The following BRIP1 variants were observed in gnomAD, a reference collection of about 807,000 sequenced individuals.
BRIP1 encodes Fanconi anemia group J protein.
BRIP1 carries 88 observed loss-of-function variants against 119.7 expected under a neutral mutation model. That is an observed-to-expected ratio of 0.74 (90% CI 0.62 to 0.88). The LOEUF is 0.88. BRIP1 is among the 40% of genes least tolerant of loss of function. BRIP1 has a pLI of 0.00. For synonymous variants in BRIP1, 443 were observed against 496.5 expected (o/e 0.89, Z 1.43); for missense variants, 1,259 against 1,455.4 (o/e 0.87, Z 2.20).
Position 61,706,015 on chromosome 17 carries a change from T to C in BRIP1, c.2492+9936A>G, listed in dbSNP as rs372998219. On this transcript the variant is annotated intron_variant, in intron 17 of 19. Transcript: ENST00000259008. This position sits in a 1 kb window ranked among gnomAD's most constrained non-coding sequence, Gnocchi z 5.7. ...TGTTATTGAGAGGAATTTTGAAGTT[T>C]CCAAGTATAATTGTGTATTTTTCTA... is the stretch of plus-strand genomic sequence containing the variant. Among the ~76,000 whole-genome samples the C allele has an allele frequency of 9.8e-5, 15 of 152,294 alleles. No homozygotes were observed. The highest frequency in any genetic ancestry group is 3.4e-4 in the African/African-American group (14 of 41,572).
At chr17:61,790,258 T>A (rs527454671) in intron 10 of BRIP1, among the ~76,000 whole-genome samples, 3 of 152,296 alleles carry the variant, frequency 2.0e-5, no homozygotes, top group Admixed American at 6.5e-5. Flanking sequence ...TTAAGATTCA[T>A]CTAGAGCCAG....
intron 17 of BRIP1, among the ~76,000 whole-genome samples, chr17:61,714,245 T>C (rs1384686150): frequency 6.6e-6 from 1 of 152,204 alleles, no homozygotes; most frequent in East Asian, 1.9e-4. Context: ...TTATAAAGCC[T>C]ACAGTTAGTG....
intron 6 of BRIP1, among the ~76,000 whole-genome samples, chr17:61,813,157 G>C (rs2078188519): frequency 6.6e-6 from 1 of 151,770 alleles, no homozygotes; most frequent in South Asian, 2.1e-4. Context: ...AAAGCAGGCA[G>C]GAGTACGAAA....
Position 61,708,950 on chromosome 17 carries a change from A to T in BRIP1, c.2492+7001T>A, listed in dbSNP as rs1306939032. ...CACATTCAGTATGTAAAATCCCCGT[A>T]TATAATATTAACCTCCATCTTTAAT... On this transcript the variant is annotated intron_variant, in intron 17 of 19. Transcript: ENST00000259008. The surrounding 1 kb of genome is among the most constrained non-coding windows in gnomAD (Gnocchi z 4.4). Among the ~76,000 whole-genome samples the T allele has an allele frequency of 6.6e-6, 1 of 152,218 alleles. No individual in the cohort carries two copies. The highest frequency in any genetic ancestry group is 1.5e-5 in the Non-Finnish European group (1 of 68,036).
In BRIP1 at chr17:61,793,605, T is replaced by C. The variant is rs1555605855; in HGVS notation, c.1465A>G (p.Ile489Val). ...KMGITTATFP[I>V]LQGHFSAVLQ... ...TAGAAAAAATATCTTACCTGCAAAA[T>C]GGGAAAAGTAGCAGTGGTGATACCC... The change falls in exon 10 of 20, where the codon ATT (isoleucine) becomes GTT (valine). Residue 489 changes from isoleucine (I) to valine (V), a missense_variant. Ile to Val is a conservative substitution (Grantham distance 29, BLOSUM62 3). Transcript: ENST00000259008. This position sits in a 1 kb window ranked among gnomAD's most constrained non-coding sequence, Gnocchi z 5.2. 4 of 1,605,882 alleles carry C rather than the reference T, an allele frequency of 2.5e-6. No individual in the cohort carries two copies. Among genetic ancestry groups the C allele is most frequent in the Non-Finnish European group, 3.4e-6 (4 of 1,175,706 alleles).
At chr17:61,838,048 T>C (rs2078600593) in intron 6 of BRIP1, among the ~76,000 whole-genome samples, 1 of 152,144 alleles carries the variant, frequency 6.6e-6, no homozygotes, top group Admixed American at 6.5e-5. Flanking sequence ...ATCAAACTAA[T>C]TTACCATTTA....
Position 61,684,178 on chromosome 17 carries a change from T to C in BRIP1, c.2906-38A>G, listed in dbSNP as rs763733112. 8 of 1,602,690 alleles carry C rather than the reference T, an allele frequency of 5.0e-6. No individual in the cohort carries two copies. Among genetic ancestry groups the C allele is most frequent in the Non-Finnish European group, 6.8e-6 (8 of 1,171,782 alleles). On this transcript the variant is annotated intron_variant, in intron 19 of 19. Transcript: ENST00000259008. The surrounding 1 kb of genome is among the most constrained non-coding windows in gnomAD (Gnocchi z 4.5). ...GAATTTAAGAGATTTAACTTTCTGC[T>C]CCTAGCTAACATAATTGCTAGGTTA...
Position 61,691,125 on chromosome 17 carries a change from T to C in BRIP1, c.2575+2305A>G, listed in dbSNP as rs950977881. On this transcript the variant is annotated intron_variant, in intron 18 of 19. Coordinates refer to ENST00000259008, the MANE Select transcript of BRIP1 (RefSeq NM_032043.3). This position sits in a 1 kb window ranked among gnomAD's most constrained non-coding sequence, Gnocchi z 5.0. ...GGGGGAGGGATAGCATTAGGAGATA[T>C]ACCTAATGTAAACGACAAGTTAATG... Among the ~76,000 whole-genome samples the C allele has an allele frequency of 2.0e-5, 3 of 151,976 alleles. No individual in the cohort carries two copies. Among genetic ancestry groups the C allele is most frequent in the African/African-American group, 7.2e-5 (3 of 41,448 alleles).
At chr17:61,837,169 G>T (rs989876143) in intron 6 of BRIP1, among the ~76,000 whole-genome samples, 1 of 152,188 alleles carries the variant, frequency 6.6e-6, no homozygotes, top group Admixed American at 6.5e-5. Flanking sequence ...TTTGCCAGGT[G>T]AATTAATATT....
At position 61,861,615 on chromosome 17, in the gene BRIP1, A is replaced by C; in HGVS notation, c.-30-46T>G. 9.3e-7 allele frequency: 1 copy of C among 1,072,302 alleles called. No homozygotes were observed. The highest frequency in any genetic ancestry group is 1.3e-5 in the South Asian group (1 of 78,258). The allele number at this position is 1,072,302 out of a possible 1,614,324, so 66.4% of individuals were successfully genotyped here. A position where few individuals can be genotyped will look rare whatever the true frequency, so the allele number is the denominator to read the frequency against. ...TCAAATATTGAGACACGCCTTACAA[A>C]GAAAACCAGAGAACCAAAACTAAGG... is the stretch of plus-strand genomic sequence containing the variant. On this transcript the variant is annotated intron_variant, in intron 1 of 19. Coordinates refer to ENST00000259008, the MANE Select transcript of BRIP1 (RefSeq NM_032043.3). The surrounding 1 kb of genome is among the most constrained non-coding windows in gnomAD (Gnocchi z 4.5).
rs1403033008 is a variant in BRIP1, at chr17:61,754,113, T to C, written c.2098-9522A>G. Among the ~76,000 whole-genome samples, 3 of 152,204 alleles carry C rather than the reference T, an allele frequency of 2.0e-5. No homozygotes were observed. Among genetic ancestry groups the C allele is most frequent in the Admixed American group, 2.0e-4 (3 of 15,270 alleles). On this transcript the variant is annotated intron_variant, in intron 14 of 19. Coordinates refer to ENST00000259008, the MANE Select transcript of BRIP1 (RefSeq NM_032043.3). The surrounding 1 kb of genome is among the most constrained non-coding windows in gnomAD (Gnocchi z 4.1). ...TATGCTCTCTACAGTCCATTTTCCA[T>C]ACAGCAGCCAACATAATCCTTTTAA...
At position 61,793,622 on chromosome 17, in the gene BRIP1, G is replaced by C. The variant is rs1555605874; in HGVS notation, c.1448C>G (p.Thr483Ser). 1 of 1,607,562 alleles carries C rather than the reference G, an allele frequency of 6.2e-7. No individual in the cohort carries two copies. The highest frequency in any genetic ancestry group is 8.5e-7 in the Non-Finnish European group (1 of 1,176,550). ...CTGCAAAATGGGAAAAGTAGCAGTG[G>C]TGATACCCATTTTGTGTAAAGTTAA... ...MLLTLHKMGITTATFPILQGH... is the reference protein window; with the variant it reads ...MLLTLHKMGISTATFPILQGH... The change falls in exon 10 of 20, where the codon ACC becomes AGC. Residue 483 changes from threonine (T) to serine (S), a missense_variant. By Grantham distance (58) the Thr-to-Ser change is moderately conservative. Around this residue, in one of 3 missense-constraint regions of BRIP1, gnomAD observed 753 missense variants for 891.8 expected, o/e 0.84. Transcript: ENST00000259008. This position sits in a 1 kb window ranked among gnomAD's most constrained non-coding sequence, Gnocchi z 5.2.
chr17:61,795,170 A>G lies in BRIP1; in HGVS notation c.1341-1441T>C, dbSNP rs2077880710. On this transcript the variant is annotated intron_variant, in intron 9 of 19. Coordinates refer to ENST00000259008, the MANE Select transcript of BRIP1 (RefSeq NM_032043.3). The surrounding 1 kb of genome is among the most constrained non-coding windows in gnomAD (Gnocchi z 5.6). ...GGTACATGTTTTGATACAGGCATGCAATATGTAATAATCACATCATGGAAG... is the reference window on the plus strand; with the variant it reads ...GGTACATGTTTTGATACAGGCATGCGATATGTAATAATCACATCATGGAAG... Among the ~76,000 whole-genome samples, 1 of 152,080 alleles carries G rather than the reference A, an allele frequency of 6.6e-6. No homozygotes were observed. The highest frequency in any genetic ancestry group is 6.6e-5 in the Admixed American group (1 of 15,238).
Position 61,795,329 on chromosome 17 carries a change from C to G in BRIP1, c.1341-1600G>C, listed in dbSNP as rs182903156. Reference sequence around the variant, plus strand: ...CACTGTTGTGCTATCAAATACTAGGCCTTATTCATTCATTCTATTTTTCTT... The same window carrying G: ...CACTGTTGTGCTATCAAATACTAGGGCTTATTCATTCATTCTATTTTTCTT... On this transcript the variant is annotated intron_variant, in intron 9 of 19. Transcript: ENST00000259008. This position sits in a 1 kb window ranked among gnomAD's most constrained non-coding sequence, Gnocchi z 5.6. Among the ~76,000 whole-genome samples the G allele has an allele frequency of 6.6e-6, 1 of 151,854 alleles. No individual in the cohort carries two copies. The highest frequency in any genetic ancestry group is 1.5e-5 in the Non-Finnish European group (1 of 67,920).
chr17:61,852,247 T>G lies in BRIP1; in HGVS notation c.380-2991A>C, dbSNP rs896484784. Among the ~76,000 whole-genome samples, 1 of 152,214 alleles carries G rather than the reference T, an allele frequency of 6.6e-6. No homozygotes were observed. The highest frequency in any genetic ancestry group is 1.5e-5 in the Non-Finnish European group (1 of 68,040). On this transcript the variant is annotated intron_variant, in intron 4 of 19. Transcript: ENST00000259008. This position sits in a 1 kb window ranked among gnomAD's most constrained non-coding sequence, Gnocchi z 4.9. Reference sequence around the variant, plus strand: ...ACAAAAAGGCTTATCTTCCTGGTCTTGATAGCAAGGGAGTTTGAAGGAAGT... The same window carrying G: ...ACAAAAAGGCTTATCTTCCTGGTCTGGATAGCAAGGGAGTTTGAAGGAAGT...
rs958873758 is a variant in BRIP1 at position 61,789,562 on chromosome 17, T to G, written c.1473+4035A>C. 1.3e-5 allele frequency among the ~76,000 whole-genome samples: 2 copies of G among 152,072 alleles called. No individual in the cohort carries two copies. The highest frequency in any genetic ancestry group is 2.9e-5 in the Non-Finnish European group (2 of 68,016). On this transcript the variant is annotated intron_variant, in intron 10 of 19. Transcript: ENST00000259008. This position sits in a 1 kb window ranked among gnomAD's most constrained non-coding sequence, Gnocchi z 4.8. ...TAAGAAAAGACTGCTTAAAGTAAAT[T>G]CAAAAACCACAATTCATAAGGGATG...
At position 61,845,864 on chromosome 17, in the gene BRIP1, C is replaced by T. The variant is rs1567865244; in HGVS notation, c.627+1237G>A. On this transcript the variant is annotated intron_variant, in intron 6 of 19. Coordinates refer to ENST00000259008, the MANE Select transcript of BRIP1 (RefSeq NM_032043.3). The surrounding 1 kb of genome is among the most constrained non-coding windows in gnomAD (Gnocchi z 4.2). ...GTAATTTTTACTGCTTCATCAAAGA[C>T]ATTCTTAAATGAAACTGGTTTTTTT... Among the ~76,000 whole-genome samples, 1 of 152,144 alleles carries T rather than the reference C, an allele frequency of 6.6e-6. No individual in the cohort carries two copies. Among genetic ancestry groups the T allele is most frequent in the Admixed American group, 6.5e-5 (1 of 15,272 alleles).
Position 61,726,624 on chromosome 17 carries a change from A to G in BRIP1, c.2380-10561T>C, listed in dbSNP as rs576832425. On this transcript the variant is annotated intron_variant, in intron 16 of 19. Coordinates refer to ENST00000259008, the MANE Select transcript of BRIP1 (RefSeq NM_032043.3). The surrounding 1 kb of genome is among the most constrained non-coding windows in gnomAD (Gnocchi z 6.2). ...GTGGCTACTTTTTCATCAAGTGTCA[A>G]TGAAAATATATACATTGGCAGAATA... 2.6e-5 allele frequency among the ~76,000 whole-genome samples: 4 copies of G among 152,222 alleles called. No individual in the cohort carries two copies. The highest frequency in any genetic ancestry group is 2.1e-4 in the South Asian group (1 of 4,830).
rs1206749515 is a variant in BRIP1 at position 61,780,684 on chromosome 17, C to T, written c.1794+156G>A. On this transcript the variant is annotated intron_variant, in intron 12 of 19. Coordinates refer to ENST00000259008, the MANE Select transcript of BRIP1 (RefSeq NM_032043.3). The surrounding 1 kb of genome is among the most constrained non-coding windows in gnomAD (Gnocchi z 5.4). ...TCAAGGCTACAGTGAGCTGAGATTG[C>T]ACCACTGCACTCCAGCCTGGGTGAA... Among the ~76,000 whole-genome samples the T allele has an allele frequency of 6.6e-6, 1 of 152,110 alleles. No homozygotes were observed. Among genetic ancestry groups the T allele is most frequent in the Non-Finnish European group, 1.5e-5 (1 of 68,006 alleles).
Sources: gnomAD v4.1 joint callset for allele counts (sites outside exome capture counted in the v4.1 genomes callset) on GRCh38, gnomAD v4.1.1 for gene constraint, gnomAD v4.1.1 regional missense constraint, Gnocchi (gnomAD v3.1) non-coding constraint, MANE v1.5 for transcripts, NCBI Gene and HGNC (gene_info 2026-07-23, HGNC 2026-07-21) for gene names.